Variants in FAIM2 observed in about 807,000 individuals in gnomAD.
The protein encoded by FAIM2 is Fas apoptotic inhibitory molecule 2, also known as protein lifeguard 2.
FAIM2 carries 27 observed loss-of-function variants against 47.4 expected under a neutral mutation model. The ratio of observed to expected loss-of-function variants is 0.57; its 90% CI spans 0.42 to 0.78. The LOEUF (loss-of-function observed/expected upper bound fraction) is 0.78. Among genes scored for constraint, FAIM2 ranks in the 30% least tolerant of loss-of-function variants. The probability of loss-of-function intolerance (pLI) is 0.00; values close to 1 mark genes in which losing one functional copy is unlikely to be tolerated. For synonymous variants in FAIM2, 156 were observed against 159.3 expected, an observed-to-expected ratio of 0.98 and a Z score of 0.16; for missense variants, 311 against 389.4, an observed-to-expected ratio of 0.80 and a Z score of 1.69.
At chr12:49,885,791 A>T (rs1429760150) in intron 11 of FAIM2, among the ~76,000 whole-genome samples, 1 of 152,022 alleles carries the variant, frequency 6.6e-6, no homozygotes, top group Non-Finnish European at 1.5e-5. Flanking sequence ...TCATTTATTC[A>T]TTCTACAATA....
chr12:49,885,305 C>T (rs1325354494), intron 11 of FAIM2, among the ~76,000 whole-genome samples: 1 of 152,194 alleles, frequency 6.6e-6, no homozygotes, highest in African/African-American at 2.4e-5. Flanking sequence ...CCGGCCGGCC[C>T]CCCATGGGTG....
chr12:49,903,744 T>C (rs1282013191), intron 1 of FAIM2, 34 bp downstream of exon 1: 3 of 1,550,526 alleles, frequency 1.9e-6, no homozygotes, highest in East Asian at 2.4e-5. Flanking sequence ...AGCCGGAGGA[T>C]GGAGGATGGT....
chr12:49,887,544 G>A, intron 10 of FAIM2, 105 bp from the exon 11 acceptor site: 1 of 988,634 alleles, frequency 1.0e-6, no homozygotes. Flanking sequence ...GGGTAGCCCT[G>A]CCCAGAGCTC....
At chr12:49,893,779 G>A (rs946669156) in intron 5 of FAIM2, among the ~76,000 whole-genome samples, 1 of 152,196 alleles carries the variant, frequency 6.6e-6, no homozygotes, top group Non-Finnish European at 1.5e-5. Context: ...TGCTCCGTGA[G>A]GGACAGCAGA....
chr12:49,888,966 T>G (rs951974013), intron 10 of FAIM2, 141 bp downstream of exon 10: 153 of 663,054 alleles, frequency 2.3e-4, no homozygotes, highest in South Asian at 1.7e-5. Flanking sequence ...CTGTGGCAGG[T>G]GCCAGGAGGG....
chr12:49,869,457 C>G lies in FAIM2; in HGVS notation c.*1047G>C, dbSNP rs560447248. On this transcript the variant is annotated 3_prime_UTR_variant, in exon 12 of 12. Coordinates refer to ENST00000320634, the MANE Select transcript of FAIM2 (RefSeq NM_012306.4). ...GCCTGGCTGGGGACGAGCCAGCAAACAGCAGCTGACAGGAAGGGTTTAGGA... is the reference window on the plus strand; with the variant it reads ...GCCTGGCTGGGGACGAGCCAGCAAAGAGCAGCTGACAGGAAGGGTTTAGGA... The G allele has an allele frequency of 6.5e-6, 1 of 153,072 alleles. No individual in the cohort carries two copies. Among genetic ancestry groups the G allele is most frequent in the Non-Finnish European group, 1.5e-5 (1 of 68,488 alleles). The allele number at this position is 153,072 out of a possible 1,614,324, so 9.5% of individuals were successfully genotyped here.
At chr12:49,888,510 AC>A (rs1378151183) in intron 10 of FAIM2, among the ~76,000 whole-genome samples, 2 of 151,918 alleles carry the variant, frequency 1.3e-5, no homozygotes, top group African/African-American at 4.8e-5. Flanking sequence ...TCCTGTGATG[AC>A]CCCAATCTGC....
At chr12:49,891,042 C>A in intron 6 of FAIM2, 22 bp downstream of exon 6, 1 of 1,612,530 alleles carries the variant, frequency 6.2e-7, no homozygotes, top group Non-Finnish European at 8.5e-7. Flanking sequence ...CCCACAAGTT[C>A]CTCCTCAAGC....
In FAIM2 at chr12:49,870,476, T is replaced by TG. The variant is rs1479424615; in HGVS notation, c.*27dup. 6.2e-7 allele frequency: 1 copy of TG among 1,607,026 alleles called. No individual in the cohort carries two copies. Among genetic ancestry groups the TG allele is most frequent in the African/African-American group, 1.3e-5 (1 of 74,266 alleles). ...AGGGAACCAGGAGGGGCGCATTCTC[T>TG]GGAGGACGGTGGGGCAGGGAGGGCT... On this transcript the variant is annotated 3_prime_UTR_variant, in exon 12 of 12. Transcript: ENST00000320634.
chr12:49,892,352 A>C (rs1592792459), intron 5 of FAIM2, among the ~76,000 whole-genome samples: 1 of 151,306 alleles, frequency 6.6e-6, no homozygotes, highest in African/African-American at 2.4e-5. Context: ...TTTAACCAAC[A>C]CCTTCCCTGG....
At chr12:49,900,200 G>A in intron 2 of FAIM2, 4 of 1,287,830 alleles carry the variant, frequency 3.1e-6, no homozygotes, top group Non-Finnish European at 4.0e-6. Flanking sequence ...AGTCTTCAGG[G>A]GTCTGCGCCC....
intron 11 of FAIM2, among the ~76,000 whole-genome samples, chr12:49,885,060 C>A (rs1269382009): frequency 6.6e-6 from 1 of 152,240 alleles, no homozygotes; most frequent in Non-Finnish European, 1.5e-5. Context: ...TGCCTGCCCC[C>A]ACTCCCTGGC....
rs560990388 is a variant in FAIM2 at position 49,867,728 on chromosome 12, G to A, written c.*2776C>T. 6.6e-6 allele frequency: 1 copy of A among 152,416 alleles called. No individual in the cohort carries two copies. Among genetic ancestry groups the A allele is most frequent in the African/African-American group, 2.4e-5 (1 of 41,562 alleles). 9.4% of individuals were successfully genotyped at this position (152,416 alleles called of 1,614,324 possible). On this transcript the variant is annotated 3_prime_UTR_variant, in exon 12 of 12. Coordinates refer to ENST00000320634, the MANE Select transcript of FAIM2 (RefSeq NM_012306.4). ...AGACTCCCTTCCTCCTTTACAGCTT[G>A]TGACACCTGCTCAGCTGCGGTTTCC...
At chr12:49,892,763 T>C (rs1211485707) in intron 5 of FAIM2, among the ~76,000 whole-genome samples, 1 of 152,170 alleles carries the variant, frequency 6.6e-6, no homozygotes, top group Non-Finnish European at 1.5e-5. Flanking sequence ...ATTTCTGATC[T>C]ATATTTTCCT....
At chr12:49,901,528 T>C (rs1946982352) in intron 1 of FAIM2, 2 of 481,142 alleles carry the variant, frequency 4.2e-6, no homozygotes, top group East Asian at 3.6e-5. Context: ...CTGGGGCACA[T>C]GGTGGAGCTG....
intron 11 of FAIM2, among the ~76,000 whole-genome samples, chr12:49,871,854 C>G (rs754542426): frequency 6.6e-6 from 1 of 152,010 alleles, no homozygotes; most frequent in Admixed American, 6.6e-5. Flanking sequence ...TTAGCAGAGA[C>G]GGGTTTTCTC....
At position 49,867,498 on chromosome 12, in the gene FAIM2, A is replaced by C. The variant is rs567278371; in HGVS notation, c.*3006T>G. On this transcript the variant is annotated 3_prime_UTR_variant, in exon 12 of 12. Transcript: ENST00000320634. ...GGGCTTCCCCAGGTGATACCGAAGG[A>C]GCCATAGGTGTGCCCGGGAATGAGT... The C allele has an allele frequency of 4.6e-5, 7 of 152,264 alleles. No homozygotes were observed. The highest frequency in any genetic ancestry group is 1.7e-4 in the African/African-American group (7 of 41,516). 9.4% of individuals were successfully genotyped at this position (152,264 alleles called of 1,614,324 possible).
intron 11 of FAIM2, 146 bp from the exon 12 acceptor site, chr12:49,870,799 AC>A (rs1224849781): frequency 7.3e-6 from 5 of 685,198 alleles, no homozygotes; most frequent in Non-Finnish European, 7.4e-6. Context: ...CTCCTGTGAC[AC>A]CTTCTGTCCC....
chr12:49,870,542 T>A lies in FAIM2; in HGVS notation c.913A>T (p.Thr305Ser). The A allele has an allele frequency of 6.2e-7, 1 of 1,613,368 alleles. No homozygotes were observed. Among genetic ancestry groups the A allele is most frequent in the Non-Finnish European group, 8.5e-7 (1 of 1,179,750 alleles). ...NIYLDIIYIF[T>S]FFLQLFGTNR... ...GTGCCAAAAAGCTGCAGGAAGAAGGTGAAGATATAGATGATGTCTAGGTAA... is the reference window on the plus strand; with the variant it reads ...GTGCCAAAAAGCTGCAGGAAGAAGGAGAAGATATAGATGATGTCTAGGTAA... Residue 305 changes from threonine to serine, a missense_variant, in exon 12 of 12, where the codon ACC becomes TCC. Transcript: ENST00000320634.
Sources: allele counts gnomAD v4.1 joint callset (sites outside exome capture counted in the v4.1 genomes callset), GRCh38; gene constraint gnomAD v4.1.1; transcripts MANE v1.5; gene names NCBI Gene and HGNC (gene_info 2026-07-23, HGNC 2026-07-21).